The following ILRUN variants were observed in gnomAD, a reference collection of about 807,000 sequenced individuals.
ILRUN encodes protein ILRUN.
In ILRUN, 3 loss-of-function variants were observed where a neutral mutation model predicts 33.8. The ratio of observed to expected loss-of-function variants is 0.09; its 90% CI spans 0.04 to 0.23. The LOEUF is 0.23. ILRUN is among the 10% of genes least tolerant of loss of function. The pLI is 1.00. For synonymous variants in ILRUN, 124 were observed against 138.9 expected, an observed-to-expected ratio of 0.89 and a Z score of 0.75; for missense variants, 210 against 375.1, an observed-to-expected ratio of 0.56 and a Z score of 3.64.
At chr6:34,684,117 C>T (rs909489837) in intron 1 of ILRUN, among the ~76,000 whole-genome samples, 1 of 151,904 alleles carries the variant, frequency 6.6e-6, no homozygotes, top group Non-Finnish European at 1.5e-5. Context: ...CCTATAAAAA[C>T]CTATATTTTT....
intron 1 of ILRUN, chr6:34,685,265 G>T (rs1258140530): frequency 6.6e-6 from 1 of 152,092 alleles, no homozygotes; most frequent in Non-Finnish European, 1.5e-5. Flanking sequence ...TCTAATTTCT[G>T]GGAGACCAAA....
At chr6:34,686,579 C>T in intron 1 of ILRUN, 1 of 207,888 alleles carries the variant, frequency 4.8e-6, no homozygotes, top group South Asian at 8.9e-5. Flanking sequence ...CCTTTTTGCG[C>T]TGACAGTGCT....
chr6:34,631,331 CTTTT>C (rs1230393478), intron 3 of ILRUN, among the ~76,000 whole-genome samples: 1 of 142,678 alleles, frequency 7.0e-6, no homozygotes, highest in Non-Finnish European at 1.5e-5. Context: ...CCATTCCCCT[CTTTT>C]TTTTTTTTTT....
intron 1 of ILRUN, among the ~76,000 whole-genome samples, chr6:34,670,857 A>G (rs1245423971): frequency 6.6e-6 from 1 of 151,502 alleles, no homozygotes; most frequent in Non-Finnish European, 1.5e-5. Flanking sequence ...AAAAAAAAAA[A>G]AAAAAGAAAA....
chr6:34,683,884 A>C (rs1763460401), intron 1 of ILRUN, among the ~76,000 whole-genome samples: 1 of 152,008 alleles, frequency 6.6e-6, no homozygotes, highest in African/African-American at 2.4e-5. Flanking sequence ...GCAACATGGC[A>C]AGACCCTGTC....
chr6:34,615,670 G>A (rs1761873338), intron 3 of ILRUN, among the ~76,000 whole-genome samples: 1 of 152,200 alleles, frequency 6.6e-6, no homozygotes, highest in Admixed American at 6.5e-5. Flanking sequence ...ACTAGCAAAA[G>A]AGAGTGTTTT....
chr6:34,684,478 C>T (rs1263386203), intron 1 of ILRUN, among the ~76,000 whole-genome samples: 1 of 152,186 alleles, frequency 6.6e-6, no homozygotes, highest in Non-Finnish European at 1.5e-5. Flanking sequence ...TAAGCCTTTT[C>T]TCCCATCTAC....
chr6:34,670,261 T>TG (rs1252613946), intron 1 of ILRUN, among the ~76,000 whole-genome samples: 1 of 152,018 alleles, frequency 6.6e-6, no homozygotes, highest in African/African-American at 2.4e-5. Flanking sequence ...TGCCCAAGGC[T>TG]GGGGGGTGGG....
chr6:34,604,499 T>G (rs1407840697), intron 4 of ILRUN, among the ~76,000 whole-genome samples: 2 of 152,196 alleles, frequency 1.3e-5, no homozygotes, highest in African/African-American at 4.8e-5. Flanking sequence ...GCAGCTTCCA[T>G]TAGAGAAAGC....
At chr6:34,662,080 G>A (rs1164551463) in intron 1 of ILRUN, among the ~76,000 whole-genome samples, 2 of 138,740 alleles carry the variant, frequency 1.4e-5, no homozygotes, top group Non-Finnish European at 3.0e-5. Flanking sequence ...AGCCGAGATC[G>A]TGCCACTGCA....
Position 34,606,738 on chromosome 6 carries a change from G to A in ILRUN, c.678C>T (p.Asn226=). 1 of 1,614,198 alleles carries A rather than the reference G, an allele frequency of 6.2e-7. No homozygotes were observed. The highest frequency in any genetic ancestry group is 8.5e-7 in the Non-Finnish European group (1 of 1,180,024). The change falls in exon 4 of 5, where the codon AAC becomes AAT. Residue 226 remains asparagine, a synonymous_variant. Transcript: ENST00000374023. Reference sequence around the variant, plus strand: ...ACTCGGAGCCCCCAGGGTCTTTTAAGTTGTTTTCATCTGATTGTCGGTTCT... The same window carrying A: ...ACTCGGAGCCCCCAGGGTCTTTTAAATTGTTTTCATCTGATTGTCGGTTCT... ...PQKNRQSDEN[N]LKDPGGSEFD...
intron 1 of ILRUN, among the ~76,000 whole-genome samples, chr6:34,677,508 T>C (rs1220987510): frequency 5.3e-5 from 8 of 152,152 alleles, no homozygotes; most frequent in African/African-American, 1.9e-4. Flanking sequence ...TATGTATCCA[T>C]GATTATACTC....
At chr6:34,659,432 C>G (rs1762842910) in intron 1 of ILRUN, among the ~76,000 whole-genome samples, 1 of 152,068 alleles carries the variant, frequency 6.6e-6, no homozygotes, top group Non-Finnish European at 1.5e-5. Flanking sequence ...AAGTTTTAAC[C>G]TACCCAGAAT....
At chr6:34,693,992 T>C (rs1763703965) in intron 1 of ILRUN, among the ~76,000 whole-genome samples, 1 of 152,082 alleles carries the variant, frequency 6.6e-6, no homozygotes, top group Non-Finnish European at 1.5e-5. Context: ...CTCATTTCGC[T>C]GTATTTTTTG....
At chr6:34,650,125 A>T (rs9461995) in intron 2 of ILRUN, among the ~76,000 whole-genome samples, 4,442 of 152,286 alleles carry the variant, frequency 0.029, 223 homozygotes, top group African/African-American at 0.1. Context: ...CTTAATATTC[A>T]CTACAATTGT....
intron 3 of ILRUN, among the ~76,000 whole-genome samples, chr6:34,608,830 A>G (rs1761686352): frequency 6.6e-6 from 1 of 152,238 alleles, no homozygotes; most frequent in Non-Finnish European, 1.5e-5. Flanking sequence ...CAAGTGCCAA[A>G]GCTAAGGGTT....
intron 3 of ILRUN, among the ~76,000 whole-genome samples, chr6:34,618,729 G>GACC (rs1761950109): frequency 6.6e-6 from 1 of 152,126 alleles, no homozygotes; most frequent in Non-Finnish European, 1.5e-5. Context: ...TAGATGCAGA[G>GACC]ACCCCATCAC....
chr6:34,667,817 A>G (rs1763035437), intron 1 of ILRUN, among the ~76,000 whole-genome samples: 1 of 152,204 alleles, frequency 6.6e-6, no homozygotes, highest in Non-Finnish European at 1.5e-5. Context: ...GTCATAGAAT[A>G]CCCACAAAAG....
chr6:34,658,428 T>C (rs1762819279), intron 1 of ILRUN, among the ~76,000 whole-genome samples: 1 of 151,134 alleles, frequency 6.6e-6, no homozygotes, highest in African/African-American at 2.4e-5. Context: ...ATACTTAAAA[T>C]GGTTAAAATG....
Sources: allele counts gnomAD v4.1 joint callset (sites outside exome capture counted in the v4.1 genomes callset), GRCh38; gene constraint gnomAD v4.1.1; transcripts MANE v1.5; gene names NCBI Gene and HGNC (gene_info 2026-07-23, HGNC 2026-07-21).